The following IGF1R variants were observed in gnomAD, a reference collection of about 807,000 sequenced individuals.
IGF1R encodes the protein insulin like growth factor 1 receptor, also known as insulin-like growth factor 1 receptor.
IGF1R carries 44 observed loss-of-function variants against 144.6 expected under a neutral mutation model. The observed-to-expected ratio is 0.30, with a 90% confidence interval of 0.24 to 0.39. The LOEUF is 0.39. Among genes scored for constraint, IGF1R ranks in the 10% least tolerant of loss-of-function variants. The pLI is 1.00. For missense variants in IGF1R, 1,355 were observed against 1,833.7 expected (o/e 0.74, Z 4.77); for synonymous variants, 795 against 722.8 (o/e 1.10, Z -1.60).
At position 98,951,538 on chromosome 15, in the gene IGF1R, C is replaced by T. The variant is rs190148091; in HGVS notation, c.3722+2830C>T. 2.3e-3 allele frequency among the ~76,000 whole-genome samples: 352 copies of T among 152,336 alleles called. 6 individuals are homozygous for T. Among genetic ancestry groups the T allele is most frequent in the African/African-American group, 7.3e-3 (305 of 41,580 alleles). On this transcript the variant is annotated intron_variant, in intron 20 of 20. Coordinates refer to ENST00000650285, the MANE Select transcript of IGF1R (RefSeq NM_000875.5). ...ATTATCTCTCAGAGGTTTCTGAAGG[C>T]GAGGAACGCAGGAGCGGCATAGCTG...
rs2015635155 is a variant in IGF1R at position 98,924,695 on chromosome 15, T to G, written c.2782+11T>G. ...ATGTCCAGGCCAAAAGTAAGGCTTG[T>G]GGAGGGAGAAGAAACGTGGTAAAAC... On this transcript the variant is annotated intron_variant, in intron 13 of 20. Transcript: ENST00000650285. 1 of 1,609,934 alleles carries G rather than the reference T, an allele frequency of 6.2e-7. No homozygotes were observed. The highest frequency in any genetic ancestry group is 8.5e-7 in the Non-Finnish European group (1 of 1,178,884).
At chr15:98,691,349 T>G (rs2053470463) in intron 1 of IGF1R, among the ~76,000 whole-genome samples, 1 of 150,008 alleles carries the variant, frequency 6.7e-6, no homozygotes, top group South Asian at 2.1e-4. Context: ...AATTTGGAGT[T>G]GTCTCATGGT....
intron 2 of IGF1R, among the ~76,000 whole-genome samples, chr15:98,815,801 A>G (rs12898932): frequency 0.95 from 145,186 of 152,232 alleles, 69,322 homozygotes; most frequent in Admixed American, 0.98. Flanking sequence ...CCTAAGTTTG[A>G]TGTGGGGCAG....
intron 2 of IGF1R, among the ~76,000 whole-genome samples, chr15:98,875,368 G>A (rs146294709): frequency 8.0e-6 from 1 of 124,224 alleles, no homozygotes; most frequent in East Asian, 2.1e-4. Context: ...TTTTTTTTAG[G>A]TGACTTGGCC....
chr15:98,889,973 T>C (rs1264752739), intron 2 of IGF1R, among the ~76,000 whole-genome samples: 1 of 152,250 alleles, frequency 6.6e-6, no homozygotes, highest in Non-Finnish European at 1.5e-5. Flanking sequence ...CAAGTAAGGC[T>C]GACAGCCCAC....
intron 2 of IGF1R, among the ~76,000 whole-genome samples, chr15:98,842,165 T>C (rs1022901926): frequency 3.3e-5 from 5 of 152,234 alleles, no homozygotes; most frequent in African/African-American, 1.2e-4. Flanking sequence ...AAGTAGGTGA[T>C]GCACTTTCTT....
At chr15:98,714,645 C>T (rs1198808075) in intron 2 of IGF1R, among the ~76,000 whole-genome samples, 2 of 143,526 alleles carry the variant, frequency 1.4e-5, no homozygotes, top group South Asian at 2.2e-4. Flanking sequence ...GAAATCCTGT[C>T]TGAGAAAAAA....
At position 98,825,704 on chromosome 15, in the gene IGF1R, C is replaced by G. The variant is rs189779356; in HGVS notation, c.641-65621C>G. 3.3e-5 allele frequency among the ~76,000 whole-genome samples: 5 copies of G among 152,320 alleles called. No individual in the cohort carries two copies. The East Asian group carries it at 9.6e-4, about 29-fold the overall frequency. ...GTGCCAAAAAGGTTGGGGACCACTACGTTAGACCATCTGTAGATTACTTAT... is the reference window on the plus strand; with the variant it reads ...GTGCCAAAAAGGTTGGGGACCACTAGGTTAGACCATCTGTAGATTACTTAT... On this transcript the variant is annotated intron_variant, in intron 2 of 20. Coordinates refer to ENST00000650285, the MANE Select transcript of IGF1R (RefSeq NM_000875.5).
intron 2 of IGF1R, among the ~76,000 whole-genome samples, chr15:98,823,847 A>T (rs182870206): frequency 7.7e-4 from 117 of 152,328 alleles, no homozygotes; most frequent in Middle Eastern, 3.4e-3. Context: ...TAAACAAAAC[A>T]GCCACCACAA....
intron 5 of IGF1R, among the ~76,000 whole-genome samples, chr15:98,902,761 G>A (rs2014550122): frequency 6.6e-6 from 1 of 152,084 alleles, no homozygotes; most frequent in Non-Finnish European, 1.5e-5. Context: ...GTTTCCATTT[G>A]GTTCAATAGG....
chr15:98,730,510 T>C (rs2054473739), intron 2 of IGF1R, among the ~76,000 whole-genome samples: 1 of 152,206 alleles, frequency 6.6e-6, no homozygotes, highest in South Asian at 2.1e-4. Context: ...CTCTGTTGGC[T>C]CTCAGCTGAG....
intron 2 of IGF1R, among the ~76,000 whole-genome samples, chr15:98,811,955 A>G (rs894655673): frequency 3.3e-5 from 5 of 152,168 alleles, no homozygotes; most frequent in Admixed American, 3.3e-4. Context: ...CAAGGTAATT[A>G]CCCTTTTGAA....
In IGF1R at chr15:98,704,273, G is replaced by A. The variant is rs1214316774; in HGVS notation, c.95-3289G>A. Reference sequence around the variant, plus strand: ...TAGGGGAGGGAGGGAGGAGTTGGGGGACAGTTGGGGGAATAGTTGAAGCTA... The same window carrying A: ...TAGGGGAGGGAGGGAGGAGTTGGGGAACAGTTGGGGGAATAGTTGAAGCTA... On this transcript the variant is annotated intron_variant, in intron 1 of 20. Transcript: ENST00000650285. This position sits in a 1 kb window ranked among gnomAD's most constrained non-coding sequence, Gnocchi z 4.9. Among the ~76,000 whole-genome samples the A allele has an allele frequency of 6.6e-6, 1 of 152,154 alleles. No homozygotes were observed. The highest frequency in any genetic ancestry group is 1.5e-5 in the Non-Finnish European group (1 of 68,026).
Position 98,881,824 on chromosome 15 carries a change from GATTAA to G in IGF1R, c.641-9493_641-9489del, listed in dbSNP as rs1379486380. Among the ~76,000 whole-genome samples the G allele has an allele frequency of 3.3e-5, 5 of 152,114 alleles. No homozygotes were observed. The East Asian group carries it at 5.8e-4, about 18-fold the overall frequency. On this transcript the variant is annotated intron_variant, in intron 2 of 20. Coordinates refer to ENST00000650285, the MANE Select transcript of IGF1R (RefSeq NM_000875.5). ...ACTGCCCCCTTGTGATCATTAGGGG[GATTAA>G]ATTAAATGCAGAAATATATGTGAGA...
chr15:98,899,596 A>G lies in IGF1R; in HGVS notation c.1222A>G (p.Ile408Val), dbSNP rs1211176645. Residue 408 changes from isoleucine to valine, a missense_variant, in exon 5 of 21, where the codon ATC (isoleucine) becomes GTC (valine). By Grantham distance (29) the Ile-to-Val change is conservative. Around this residue, in one of 7 missense-constraint regions of IGF1R, gnomAD observed 880 missense variants for 1,202.7 expected, o/e 0.73. Coordinates refer to ENST00000650285, the MANE Select transcript of IGF1R (RefSeq NM_000875.5). Reference protein sequence around the residue: ...SLSFLKNLRLILGEEQLEGNY... With the variant: ...SLSFLKNLRLVLGEEQLEGNY... ...GTCCTTCCTAAAAAACCTTCGCCTC[A>G]TCCTAGGAGAGGAGCAGCTAGAAGG... 1 of 1,614,110 alleles carries G rather than the reference A, an allele frequency of 6.2e-7. No homozygotes were observed. The highest frequency in any genetic ancestry group is 1.7e-5 in the Admixed American group (1 of 60,018).
chr15:98,929,556 A>G lies in IGF1R; in HGVS notation c.2783-2A>G. 1 of 1,610,390 alleles carries G rather than the reference A, an allele frequency of 6.2e-7. No homozygotes were observed. The highest frequency in any genetic ancestry group is 8.5e-7 in the Non-Finnish European group (1 of 1,176,570). On this transcript the variant is annotated splice_acceptor_variant, in intron 13 of 20. Transcript: ENST00000650285. LOFTEE classifies it high-confidence loss of function. ...TTTATCATTTCCTCCTCTTTGCTGC[A>G]GCAGGATATGAAAACTTCATCCATC...
chr15:98,824,697 C>G (rs555431387), intron 2 of IGF1R, among the ~76,000 whole-genome samples: 8 of 152,344 alleles, frequency 5.3e-5, no homozygotes, highest in African/African-American at 1.9e-4. Flanking sequence ...GGCATTCTTT[C>G]CCATGCTTTT....
At chr15:98,772,000 C>T (rs544052626) in intron 2 of IGF1R, among the ~76,000 whole-genome samples, 5 of 151,786 alleles carry the variant, frequency 3.3e-5, no homozygotes, top group Non-Finnish European at 7.4e-5. Flanking sequence ...TTTATAGCAG[C>T]GTAGGTAAGG....
Position 98,911,355 on chromosome 15 carries a change from G to A in IGF1R, c.1503G>A (p.Ser501=), listed in dbSNP as rs562335164. ...TGCATTTCACCTCCACCACCACGTC[G>A]AAGAATCGCATCATCATAACCTGGC... ...DVLHFTSTTT[S]KNRIIITWHR... Residue 501 remains serine, a synonymous_variant, in exon 7 of 21, where the codon TCG becomes TCA. Coordinates refer to ENST00000650285, the MANE Select transcript of IGF1R (RefSeq NM_000875.5). 7.1e-5 allele frequency: 114 copies of A among 1,614,106 alleles called. No individual in the cohort carries two copies. Among genetic ancestry groups the A allele is most frequent in the South Asian group, 6.3e-4 (57 of 91,074 alleles).
Sources: gnomAD v4.1 joint callset for allele counts (sites outside exome capture counted in the v4.1 genomes callset) on GRCh38, gnomAD v4.1.1 for gene constraint, gnomAD v4.1.1 regional missense constraint, Gnocchi (gnomAD v3.1) non-coding constraint, MANE v1.5 for transcripts, NCBI Gene and HGNC (gene_info 2026-07-23, HGNC 2026-07-21) for gene names.